The following SLCO5A1 variants were observed in gnomAD, a reference collection of about 807,000 sequenced individuals.
SLCO5A1 encodes the protein solute carrier organic anion transporter family member 5A1, also known as organic anion transporter polypeptide-related protein 4.
SLCO5A1 carries 39 observed loss-of-function variants against 65.1 expected under a neutral mutation model. The ratio of observed to expected loss-of-function variants is 0.60; its 90% confidence interval spans 0.46 to 0.78. The LOEUF is 0.78. Ranked by LOEUF, SLCO5A1 falls within the 30% of genes least tolerant of loss-of-function variation. The pLI, the probability that SLCO5A1 is intolerant of heterozygous loss-of-function variation, is 0.00. For missense variants in SLCO5A1, 1,029 were observed against 1,069.4 expected, an observed-to-expected ratio of 0.96 and a Z score of 0.53; for synonymous variants, 438 against 415.7, an observed-to-expected ratio of 1.05 and a Z score of -0.65.
chr8:69,740,245 C>T (rs1388030958), intron 4 of SLCO5A1, among the ~76,000 whole-genome samples: 1 of 152,180 alleles, frequency 6.6e-6, no homozygotes, highest in Non-Finnish European at 1.5e-5. Context: ...TACAGCCCTC[C>T]AGGAGTTGGG....
At chr8:69,830,019 ATT>A (rs1821092320) in intron 2 of SLCO5A1, among the ~76,000 whole-genome samples, 1 of 152,192 alleles carries the variant, frequency 6.6e-6, no homozygotes, top group African/African-American at 2.4e-5. Flanking sequence ...TATGTTTAAA[ATT>A]TTGTCTTAAT....
chr8:69,774,604 C>G (rs551136088), intron 2 of SLCO5A1, among the ~76,000 whole-genome samples: 1 of 152,302 alleles, frequency 6.6e-6, no homozygotes, highest in Admixed American at 6.5e-5. Flanking sequence ...TGGCAGTGAA[C>G]CCTGCTTAGA....
At chr8:69,764,377 T>G (rs1056910944) in intron 2 of SLCO5A1, among the ~76,000 whole-genome samples, 2 of 152,238 alleles carry the variant, frequency 1.3e-5, no homozygotes, top group African/African-American at 4.8e-5. Flanking sequence ...TGAATGATTT[T>G]GTACCTCCTG....
At chr8:69,759,684 C>T (rs1219440904) in intron 3 of SLCO5A1, among the ~76,000 whole-genome samples, 1 of 152,188 alleles carries the variant, frequency 6.6e-6, no homozygotes, top group African/African-American at 2.4e-5. Context: ...CTCGCTCTGT[C>T]ACTCAGGCTG....
intron 2 of SLCO5A1, among the ~76,000 whole-genome samples, chr8:69,830,445 A>G (rs1821109746): frequency 6.6e-6 from 1 of 152,144 alleles, no homozygotes; most frequent in African/African-American, 2.4e-5. Flanking sequence ...CTCCTGCCTC[A>G]GCCTCCCGAG....
At chr8:69,788,449 A>G (rs1819131159) in intron 2 of SLCO5A1, among the ~76,000 whole-genome samples, 1 of 152,136 alleles carries the variant, frequency 6.6e-6, no homozygotes, top group Non-Finnish European at 1.5e-5. Context: ...CAGTCTTCCT[A>G]GCTGTGTATT....
intron 7 of SLCO5A1, among the ~76,000 whole-genome samples, chr8:69,681,911 T>C (rs978456456): frequency 6.6e-6 from 1 of 152,064 alleles, no homozygotes; most frequent in Non-Finnish European, 1.5e-5. Flanking sequence ...CTCAACCTTA[T>C]CAAGTTTCAC....
At chr8:69,693,108 G>C (rs1042670220) in intron 6 of SLCO5A1, among the ~76,000 whole-genome samples, 9 of 152,124 alleles carry the variant, frequency 5.9e-5, no homozygotes, top group African/African-American at 2.2e-4. Context: ...GAATTTTTCA[G>C]CTCCATTACA....
At chr8:69,797,965 A>G (rs1168551772) in intron 2 of SLCO5A1, among the ~76,000 whole-genome samples, 1 of 152,152 alleles carries the variant, frequency 6.6e-6, no homozygotes, top group East Asian at 1.9e-4. Context: ...CCACTAATAG[A>G]AACCTGCTGG....
At chr8:69,761,925 G>C in intron 2 of SLCO5A1, 50 bp from the exon 3 acceptor site, 1 of 1,596,678 alleles carries the variant, frequency 6.3e-7, no homozygotes, top group Non-Finnish European at 8.5e-7. Flanking sequence ...TTTATTACAT[G>C]TTAGGAGTTC....
intron 8 of SLCO5A1, 71 bp from the exon 9 acceptor site, chr8:69,676,744 G>A (rs901100176): frequency 4.7e-5 from 66 of 1,405,648 alleles, no homozygotes; most frequent in Middle Eastern, 1.8e-4. Flanking sequence ...AAATCAAGTC[G>A]GCTTTGTGCA....
At chr8:69,683,336 A>AT (rs943536179) in intron 6 of SLCO5A1, among the ~76,000 whole-genome samples, 9 of 152,026 alleles carry the variant, frequency 5.9e-5, no homozygotes, top group African/African-American at 1.7e-4. Context: ...CCAACCATCC[A>AT]TTTTTCCAGT....
At chr8:69,761,641 AT>A in intron 3 of SLCO5A1, 101 bp downstream of exon 3, 1 of 1,321,342 alleles carries the variant, frequency 7.6e-7, no homozygotes, top group Non-Finnish European at 1.0e-6. Flanking sequence ...CCTTTCAGCT[AT>A]TTTTTGTCTC....
chr8:69,698,248 G>T (rs937787916), intron 6 of SLCO5A1, among the ~76,000 whole-genome samples: 1 of 152,086 alleles, frequency 6.6e-6, no homozygotes, highest in African/African-American at 2.4e-5. Flanking sequence ...TCTTTATGTA[G>T]TCTCTTATTG....
chr8:69,715,449 C>T (rs973112177), intron 5 of SLCO5A1, among the ~76,000 whole-genome samples: 4 of 152,222 alleles, frequency 2.6e-5, no homozygotes, highest in African/African-American at 9.6e-5. Flanking sequence ...CTGTCAGCAA[C>T]TTTCAACTTC....
chr8:69,787,757 G>C (rs190961314), intron 2 of SLCO5A1, among the ~76,000 whole-genome samples: 2 of 152,302 alleles, frequency 1.3e-5, no homozygotes, highest in East Asian at 3.9e-4. Flanking sequence ...AGAAGTCATA[G>C]CAGAGGAATA....
At chr8:69,816,802 A>G (rs1319679143) in intron 2 of SLCO5A1, among the ~76,000 whole-genome samples, 1 of 152,218 alleles carries the variant, frequency 6.6e-6, no homozygotes, top group Non-Finnish European at 1.5e-5. Flanking sequence ...CACACACCTG[A>G]GAAAACAATT....
Position 69,704,115 on chromosome 8 carries a change from G to T in SLCO5A1, c.1622+916C>A, listed in dbSNP as rs56765294. 5.0e-3 allele frequency among the ~76,000 whole-genome samples: 759 copies of T among 152,228 alleles called. 9 individuals carry two copies. Among genetic ancestry groups the T allele is most frequent in the African/African-American group, 0.017 (712 of 41,532 alleles). ...GGGTTACCACTATGTTGCGCAGGCT[G>T]GTCTTGAACTCCCAGTCTCAAGTTA... On this transcript the variant is annotated intron_variant, in intron 6 of 9. Transcript: ENST00000260126.
intron 6 of SLCO5A1, among the ~76,000 whole-genome samples, chr8:69,692,294 G>A (rs528277132): frequency 6.6e-6 from 1 of 152,230 alleles, no homozygotes; most frequent in South Asian, 2.1e-4. Flanking sequence ...CACCTGTATA[G>A]GGCATTTATC....
Sources: gnomAD v4.1 joint callset for allele counts (sites outside exome capture counted in the v4.1 genomes callset) on GRCh38, gnomAD v4.1.1 for gene constraint, MANE v1.5 for transcripts, NCBI Gene and HGNC (gene_info 2026-07-23, HGNC 2026-07-21) for gene names.